PSAT1: variants seen among roughly 807,000 people sequenced by gnomAD.
The protein encoded by PSAT1 is phosphoserine aminotransferase.
Under a neutral mutation model 40.3 loss-of-function variants are expected in PSAT1, and 41 were observed. The observed-to-expected ratio is 1.02, with a 90% CI of 0.79 to 1.32. PSAT1 has a LOEUF of 1.32. Ranked by LOEUF, PSAT1 falls within the 40% of genes most tolerant of loss-of-function variation. The pLI is 0.00. For synonymous variants in PSAT1, 147 were observed against 170.5 expected (o/e 0.86, Z 1.07); for missense variants, 406 against 455.8 (o/e 0.89, Z 0.99).
chr9:78,318,128 G>GA (rs1011858089), intron 7 of PSAT1, among the ~76,000 whole-genome samples: 1 of 152,056 alleles, frequency 6.6e-6, no homozygotes, highest in Non-Finnish European at 1.5e-5. Flanking sequence ...TATCTTCTGG[G>GA]AAAAAAACAA....
At chr9:78,306,270 G>A (rs781549354) in intron 4 of PSAT1, 44 bp from the exon 5 acceptor site, 10 of 1,604,074 alleles carry the variant, frequency 6.2e-6, no homozygotes, top group African/African-American at 1.3e-5. Context: ...TAAGGAAAGA[G>A]GAGAGTGAAA....
intron 5 of PSAT1, among the ~76,000 whole-genome samples, chr9:78,307,686 T>C (rs1263829231): frequency 6.6e-6 from 1 of 152,238 alleles, no homozygotes; most frequent in Admixed American, 6.5e-5. Flanking sequence ...CTTCTCTTTG[T>C]CATAACAGTC....
chr9:78,306,762 G>A (rs1828190597), intron 5 of PSAT1, among the ~76,000 whole-genome samples: 1 of 152,204 alleles, frequency 6.6e-6, no homozygotes, highest in Non-Finnish European at 1.5e-5. Flanking sequence ...TTAGAAACGT[G>A]TTTGGTCAAC....
intron 6 of PSAT1, among the ~76,000 whole-genome samples, chr9:78,311,919 T>C (rs999529431): frequency 6.6e-6 from 1 of 152,084 alleles, no homozygotes; most frequent in African/African-American, 2.4e-5. Context: ...AAGCTGCAAA[T>C]GGAGACATCA....
intron 7 of PSAT1, 138 bp downstream of exon 7, chr9:78,317,942 C>A: frequency 1.8e-6 from 2 of 1,112,326 alleles, no homozygotes; most frequent in Non-Finnish European, 2.7e-6. Flanking sequence ...GGTCCTGGGC[C>A]CCATGAGCAG....
intron 3 of PSAT1, among the ~76,000 whole-genome samples, chr9:78,303,880 C>G (rs1380511605): frequency 6.6e-6 from 1 of 152,172 alleles, no homozygotes; most frequent in African/African-American, 2.4e-5. Flanking sequence ...TGGCTTGGGT[C>G]CAGTTTCCAT....
rs1310310745 is a variant in PSAT1, at chr9:78,301,940, C to A, written c.122-14C>A. ...TGGAATATTTGTTATTGTTGTTTAT[C>A]TTTCCTTTCACAGAAATGAGTCACA... On this transcript the variant is annotated splice_polypyrimidine_tract_variant and intron_variant, in intron 2 of 8. Transcript: ENST00000376588. 14 of 1,587,734 alleles carry A rather than the reference C, an allele frequency of 8.8e-6. No homozygotes were observed. Among genetic ancestry groups the A allele is most frequent in the Non-Finnish European group, 1.0e-5 (12 of 1,156,262 alleles).
At chr9:78,320,460 C>T (rs1427286797) in intron 7 of PSAT1, among the ~76,000 whole-genome samples, 1 of 151,766 alleles carries the variant, frequency 6.6e-6, no homozygotes, top group Non-Finnish European at 1.5e-5. Flanking sequence ...ATCACCCACC[C>T]ATCTATTCAT....
intron 7 of PSAT1, among the ~76,000 whole-genome samples, chr9:78,325,042 T>C (rs1828477401): frequency 6.6e-6 from 1 of 152,140 alleles, no homozygotes. Context: ...GACATTACTA[T>C]GAATCAAAAT....
intron 1 of PSAT1, among the ~76,000 whole-genome samples, chr9:78,297,810 G>A (rs1014875916): frequency 4.6e-5 from 7 of 152,314 alleles, no homozygotes; most frequent in African/African-American, 1.7e-4. Flanking sequence ...AAAGGTCCGC[G>A]TGTGCGTGCC....
chr9:78,317,624 T>C, intron 6 of PSAT1, 52 bp from the exon 7 acceptor site: 1 of 1,605,646 alleles, frequency 6.2e-7, no homozygotes, highest in Non-Finnish European at 8.5e-7. Context: ...TGAATATAGT[T>C]CTACTTTTGC....
chr9:78,327,566 C>T (rs963490769), intron 7 of PSAT1, among the ~76,000 whole-genome samples: 5 of 152,142 alleles, frequency 3.3e-5, no homozygotes, highest in African/African-American at 1.2e-4. Context: ...GTAACTTGCT[C>T]AGGGTCACAC....
At chr9:78,300,767 G>C in intron 2 of PSAT1, 105 bp downstream of exon 2, 2 of 1,426,302 alleles carry the variant, frequency 1.4e-6, no homozygotes, top group South Asian at 3.0e-5. Context: ...CCAGGCTGGA[G>C]TACAGTGGCG....
chr9:78,329,076 A>G lies in PSAT1; in HGVS notation c.1103A>G (p.His368Arg), dbSNP rs781632079. 12 of 1,608,656 alleles carry G rather than the reference A, an allele frequency of 7.5e-6. No homozygotes were observed. Among genetic ancestry groups the G allele is most frequent in the African/African-American group, 1.3e-5 (1 of 74,796 alleles). Residue 368 changes from histidine to arginine, a missense_variant, in exon 9 of 9, where the codon CAT becomes CGT. Coordinates refer to ENST00000376588, the MANE Select transcript of PSAT1 (RefSeq NM_058179.4). ...AAFMKKFLEM[H>R]QL ...TTCATGAAAAAATTTTTGGAGATGC[A>G]TCAGCTATGAACACATCCTAACCAG...
chr9:78,305,176 G>A (rs1346781262), intron 4 of PSAT1, among the ~76,000 whole-genome samples: 14 of 152,236 alleles, frequency 9.2e-5, no homozygotes, highest in Non-Finnish European at 1.9e-4. Context: ...GTGCAGTGGT[G>A]CAATCTCAGC....
chr9:78,322,542 T>C (rs1409393070), intron 7 of PSAT1, among the ~76,000 whole-genome samples: 2 of 152,190 alleles, frequency 1.3e-5, no homozygotes, highest in Non-Finnish European at 2.9e-5. Flanking sequence ...AATGACGTAT[T>C]TAATTACATG....
At chr9:78,310,169 A>T (rs1009241923) in intron 6 of PSAT1, among the ~76,000 whole-genome samples, 2 of 152,150 alleles carry the variant, frequency 1.3e-5, no homozygotes, top group Non-Finnish European at 2.9e-5. Flanking sequence ...GTGATGCTTT[A>T]TGTGTATGAC....
chr9:78,323,583 C>A (rs939786738), intron 7 of PSAT1, among the ~76,000 whole-genome samples: 10 of 151,718 alleles, frequency 6.6e-5, no homozygotes, highest in Non-Finnish European at 1.5e-4. Context: ...CTGTCTCAAA[C>A]AAAAACAAAA....
intron 7 of PSAT1, among the ~76,000 whole-genome samples, chr9:78,319,602 A>T (rs868124223): frequency 6.6e-6 from 1 of 152,254 alleles, no homozygotes; most frequent in South Asian, 2.1e-4. Flanking sequence ...GTGCACGATC[A>T]GCAGTAGGTA....
Sources: gnomAD v4.1 joint callset for allele counts (sites outside exome capture counted in the v4.1 genomes callset) on GRCh38, gnomAD v4.1.1 for gene constraint, MANE v1.5 for transcripts, NCBI Gene and HGNC (gene_info 2026-07-23, HGNC 2026-07-21) for gene names.